The following AAK1 variants were observed in gnomAD, a reference collection of about 807,000 sequenced individuals.
AAK1 encodes the protein AP2-associated protein kinase 1.
In AAK1, 37 loss-of-function variants were observed where a neutral mutation model predicts 116.0. The observed-to-expected ratio is 0.32, with a 90% confidence interval of 0.25 to 0.42. AAK1 has a LOEUF of 0.42. Ranked by LOEUF, AAK1 falls within the 10% of genes least tolerant of loss-of-function variation. The pLI is 1.00. For missense variants in AAK1, 919 were observed against 1,170.6 expected, an observed-to-expected ratio of 0.79 and a Z score of 3.14; for synonymous variants, 458 against 439.9, an observed-to-expected ratio of 1.04 and a Z score of -0.51.
At chr2:69,572,818 G>A (rs1335623942) in intron 2 of AAK1, among the ~76,000 whole-genome samples, 13 of 152,048 alleles carry the variant, frequency 8.5e-5, no homozygotes, top group Non-Finnish European at 5.9e-5. Context: ...CAAAAGACCT[G>A]AGAGGTCAAG....
chr2:69,465,675 G>A lies in AAK1; in HGVS notation c.*10194C>T, dbSNP rs1674463124. The A allele has an allele frequency of 7.7e-7, 1 of 1,290,836 alleles. No homozygotes were observed. The highest frequency in any genetic ancestry group is 1.5e-5 in the African/African-American group (1 of 65,856). The allele number at this position is 1,290,836 out of a possible 1,614,324, so 80.0% of individuals were successfully genotyped here. On this transcript the variant is annotated 3_prime_UTR_variant, in exon 22 of 22. Transcript: ENST00000409085. ...GAATGGTTTGCCAGCCATGGGGCCT[G>A]AGACAGCTTCTTTCTGGAGCTGAGG...
intron 2 of AAK1, 138 bp downstream of exon 2, chr2:69,642,740 C>A: frequency 8.0e-7 from 1 of 1,246,264 alleles, no homozygotes. Flanking sequence ...CTCTCAAGGA[C>A]AATGACTCAC....
At chr2:69,553,229 T>A (rs1310118215) in intron 3 of AAK1, among the ~76,000 whole-genome samples, 2 of 151,720 alleles carry the variant, frequency 1.3e-5, no homozygotes, top group Non-Finnish European at 2.9e-5. Flanking sequence ...AAAGAGAAAA[T>A]TTGTAAATTT....
intron 2 of AAK1, among the ~76,000 whole-genome samples, chr2:69,577,759 C>A (rs1672372831): frequency 6.6e-6 from 1 of 152,188 alleles, no homozygotes; most frequent in Admixed American, 6.5e-5. Flanking sequence ...TTCTCTTAAT[C>A]CCCACTCACC....
Position 69,469,835 on chromosome 2 carries a change from G to A in AAK1, c.*6034C>T, listed in dbSNP as rs1030401076. ...TAGGACTGTGTGCCAGGTTAGGCACGTTGACACTTTCAATATGGGTAACTC... is the reference window on the plus strand; with the variant it reads ...TAGGACTGTGTGCCAGGTTAGGCACATTGACACTTTCAATATGGGTAACTC... On this transcript the variant is annotated 3_prime_UTR_variant, in exon 22 of 22. Coordinates refer to ENST00000409085, the MANE Select transcript of AAK1 (RefSeq NM_014911.5). 7.1e-6 allele frequency: 7 copies of A among 985,282 alleles called. No homozygotes were observed. Among genetic ancestry groups the A allele is most frequent in the South Asian group, 4.7e-5 (1 of 21,284 alleles). 61.0% of individuals were successfully genotyped at this position (985,282 alleles called of 1,614,324 possible).
chr2:69,525,080 T>C lies in AAK1; in HGVS notation c.1008A>G (p.Pro336=), dbSNP rs371780259. 1.2e-5 allele frequency: 19 copies of C among 1,614,016 alleles called. No individual in the cohort carries two copies. Among genetic ancestry groups the C allele is most frequent in the Non-Finnish European group, 1.4e-5 (17 of 1,179,886 alleles). Reference sequence around the variant, plus strand: ...TTGCAGCTGCCTCACTGGCTTTCACTGGTTCAGGAAGCTTTGCAGGAATGG... The same window carrying C: ...TTGCAGCTGCCTCACTGGCTTTCACCGGTTCAGGAAGCTTTGCAGGAATGG... The part of the protein sequence containing the change: ...NSPIPAKLPE[P]VKASEAAAKK... Residue 336 remains proline, a synonymous_variant, in exon 10 of 22, where the codon CCA becomes CCG. Coordinates refer to ENST00000409085, the MANE Select transcript of AAK1 (RefSeq NM_014911.5).
rs571074976 is a variant in AAK1 at position 69,469,820 on chromosome 2, T to C, written c.*6049A>G. 7.1e-6 allele frequency: 7 copies of C among 985,482 alleles called. No individual in the cohort carries two copies. In the Admixed American group the frequency reaches 1.8e-4, roughly 26 times the overall value. 61.0% of individuals were successfully genotyped at this position (985,482 alleles called of 1,614,324 possible). A position where few individuals can be genotyped will look rare whatever the true frequency, so the allele number is the denominator to read the frequency against. Reference sequence around the variant, plus strand: ...TTTCTTGCTCTGATGTAGGACTGTGTGCCAGGTTAGGCACGTTGACACTTT... The same window carrying C: ...TTTCTTGCTCTGATGTAGGACTGTGCGCCAGGTTAGGCACGTTGACACTTT... On this transcript the variant is annotated 3_prime_UTR_variant, in exon 22 of 22. Coordinates refer to ENST00000409085, the MANE Select transcript of AAK1 (RefSeq NM_014911.5).
rs1016139190 is a variant in AAK1, at chr2:69,572,154, G to C, written c.164-15176C>G. Reference sequence around the variant, plus strand: ...ACTCCACCTTTGGTGTGAAACCAGGGTCAGGACTAGGGTGAGGGGAGTGAG... The same window carrying C: ...ACTCCACCTTTGGTGTGAAACCAGGCTCAGGACTAGGGTGAGGGGAGTGAG... On this transcript the variant is annotated intron_variant, in intron 2 of 21. Transcript: ENST00000409085. Among the ~76,000 whole-genome samples the C allele has an allele frequency of 4.6e-5, 7 of 152,184 alleles. No individual in the cohort carries two copies. In the East Asian group the frequency reaches 1.3e-3, roughly 29 times the overall value.
intron 4 of AAK1, among the ~76,000 whole-genome samples, chr2:69,543,724 C>G (rs530030950): frequency 6.6e-6 from 1 of 152,058 alleles, no homozygotes; most frequent in Non-Finnish European, 1.5e-5. Flanking sequence ...GTATCTTAAG[C>G]GTAAGGAAAA....
chr2:69,508,630 C>T (rs576424239), intron 14 of AAK1, among the ~76,000 whole-genome samples: 1 of 152,136 alleles, frequency 6.6e-6, no homozygotes, highest in Non-Finnish European at 1.5e-5. Context: ...GTCATATAAG[C>T]TCAAAAAAAT....
At chr2:69,564,638 T>C (rs1465521598) in intron 2 of AAK1, among the ~76,000 whole-genome samples, 2 of 152,228 alleles carry the variant, frequency 1.3e-5, no homozygotes, top group Non-Finnish European at 2.9e-5. Flanking sequence ...GTAGTATTCC[T>C]TTAGAGCCCA....
At chr2:69,632,097 C>T (rs967845353) in intron 2 of AAK1, among the ~76,000 whole-genome samples, 40 of 152,190 alleles carry the variant, frequency 2.6e-4, no homozygotes, top group Admixed American at 2.0e-4. Flanking sequence ...AATAGTTTAT[C>T]ATTCCTGAGT....
intron 2 of AAK1, among the ~76,000 whole-genome samples, chr2:69,610,604 A>G (rs1674034535): frequency 6.6e-6 from 1 of 152,244 alleles, no homozygotes; most frequent in African/African-American, 2.4e-5. Context: ...TTTATAAATC[A>G]TACATCTGAT....
intron 19 of AAK1, among the ~76,000 whole-genome samples, chr2:69,479,786 C>T (rs1432294283): frequency 2.0e-5 from 3 of 152,282 alleles, no homozygotes; most frequent in East Asian, 1.9e-4. Flanking sequence ...GACGGAGTCT[C>T]GCTCCAGCTC....
intron 2 of AAK1, among the ~76,000 whole-genome samples, chr2:69,626,114 T>G (rs1674885195): frequency 6.6e-6 from 1 of 152,116 alleles, no homozygotes; most frequent in Non-Finnish European, 1.5e-5. Context: ...ACCCATGACC[T>G]CCCATCCCTT....
chr2:69,505,674 C>T lies in AAK1; in HGVS notation c.2165-1G>A. 6.2e-7 allele frequency: 1 copy of T among 1,612,680 alleles called. No individual in the cohort carries two copies. Among genetic ancestry groups the T allele is most frequent in the Non-Finnish European group, 8.5e-7 (1 of 1,179,088 alleles). ...CCTCCAAGCTTCTCGGGATGTTTGC[C>T]TGGAGAGACAAAACACCACTCAGTT... On this transcript the variant is annotated splice_acceptor_variant, in intron 15 of 21. Coordinates refer to ENST00000409085, the MANE Select transcript of AAK1 (RefSeq NM_014911.5). LOFTEE classifies it high-confidence loss of function.
intron 17 of AAK1, among the ~76,000 whole-genome samples, chr2:69,488,378 CT>C (rs1374683136): frequency 6.6e-6 from 1 of 151,834 alleles, no homozygotes; most frequent in Non-Finnish European, 1.5e-5. Flanking sequence ...TTATTTTTAC[CT>C]TTTATTGTGA....
At chr2:69,517,520 T>A (rs1163263753) in intron 12 of AAK1, among the ~76,000 whole-genome samples, 1 of 121,592 alleles carries the variant, frequency 8.2e-6, no homozygotes, top group East Asian at 1.9e-4. Context: ...AATCTGAAAG[T>A]ACACGCTCCC....
In AAK1 at chr2:69,473,655, C is replaced by T. The variant is rs1332569032; in HGVS notation, c.*2214G>A. The T allele has an allele frequency of 2.1e-6, 2 of 971,332 alleles. No homozygotes were observed. The highest frequency in any genetic ancestry group is 1.1e-4 in the East Asian group (1 of 8,764). The allele number at this position is 971,332 out of a possible 1,614,324, so 60.2% of individuals were successfully genotyped here. On this transcript the variant is annotated 3_prime_UTR_variant, in exon 22 of 22. Coordinates refer to ENST00000409085, the MANE Select transcript of AAK1 (RefSeq NM_014911.5). ...TATGAAAAGAACAATTTAGAGATACCTAATTTCTAAACTGTACTCTTCATA... is the reference window on the plus strand; with the variant it reads ...TATGAAAAGAACAATTTAGAGATACTTAATTTCTAAACTGTACTCTTCATA...
Sources: gnomAD v4.1 joint callset for allele counts (sites outside exome capture counted in the v4.1 genomes callset) on GRCh38, gnomAD v4.1.1 for gene constraint, MANE v1.5 for transcripts, NCBI Gene and HGNC (gene_info 2026-07-23, HGNC 2026-07-21) for gene names.